MARCHF1: variants seen among roughly 807,000 people sequenced by gnomAD.
MARCHF1 encodes the protein membrane associated ring-CH-type finger 1, also known as E3 ubiquitin-protein ligase MARCHF1.
A neutral mutation model predicts 54.2 loss-of-function variants in MARCHF1; 40 were observed. That is an observed-to-expected ratio of 0.74 (90% confidence interval 0.57 to 0.96). The LOEUF (loss-of-function observed/expected upper bound fraction) is 0.96. Ranked by LOEUF, MARCHF1 falls within the 40% of genes least tolerant of loss-of-function variation. The pLI, the probability that MARCHF1 is intolerant of heterozygous loss-of-function variation, is 0.00. For missense variants in MARCHF1, 586 were observed against 656.5 expected, an observed-to-expected ratio of 0.89 and a Z score of 1.17; for synonymous variants, 236 against 236.3, an observed-to-expected ratio of 1.00 and a Z score of 0.01.
At chr4:163,630,476 T>A in intron 5 of MARCHF1, among the ~76,000 whole-genome samples, 1 of 152,168 alleles carries the variant, frequency 6.6e-6, no homozygotes, top group Admixed American at 6.5e-5. Context: ...GGGGAGTTGA[T>A]AGAAATGTTC....
At chr4:164,246,253 A>T (rs1400065091) in intron 1 of MARCHF1, among the ~76,000 whole-genome samples, 9 of 59,440 alleles carry the variant, frequency 1.5e-4, no homozygotes, top group African/African-American at 3.4e-4. Flanking sequence ...CAAAACAGAG[A>T]TATAGATCAA....
intron 1 of MARCHF1, among the ~76,000 whole-genome samples, chr4:164,326,694 T>C (rs934017633): frequency 2.6e-5 from 4 of 152,306 alleles, no homozygotes; most frequent in Non-Finnish European, 5.9e-5. Flanking sequence ...TTATATAAAC[T>C]AGATTTAGCA....
At chr4:164,134,776 T>A (rs1756367920) in intron 1 of MARCHF1, among the ~76,000 whole-genome samples, 1 of 151,338 alleles carries the variant, frequency 6.6e-6, no homozygotes, top group African/African-American at 2.4e-5. Flanking sequence ...TAGCATATGT[T>A]ACCAACTTAA....
chr4:164,240,713 C>T (rs906041142), intron 1 of MARCHF1, among the ~76,000 whole-genome samples: 6 of 152,026 alleles, frequency 3.9e-5, no homozygotes, highest in African/African-American at 1.4e-4. Flanking sequence ...TGGCTCATTC[C>T]TGGGCATGGG....
chr4:163,554,469 G>T (rs1739219079), intron 8 of MARCHF1, among the ~76,000 whole-genome samples: 1 of 152,162 alleles, frequency 6.6e-6, no homozygotes, highest in Non-Finnish European at 1.5e-5. Flanking sequence ...GGAGGGAGAG[G>T]AGTACAATGT....
intron 4 of MARCHF1, among the ~76,000 whole-genome samples, chr4:163,734,506 A>C (rs768710497): frequency 6.6e-6 from 1 of 151,378 alleles, no homozygotes; most frequent in Non-Finnish European, 1.5e-5. Flanking sequence ...AAACAGCATC[A>C]ATGATTCTCG....
chr4:163,749,819 C>T (rs1303105561), intron 4 of MARCHF1, among the ~76,000 whole-genome samples: 3 of 151,686 alleles, frequency 2.0e-5, no homozygotes, highest in African/African-American at 7.3e-5. Context: ...ATCCCCACTT[C>T]GGGAGGCCGA....
chr4:163,996,004 A>C (rs1440881396), intron 2 of MARCHF1, among the ~76,000 whole-genome samples: 1 of 152,078 alleles, frequency 6.6e-6, no homozygotes, highest in Non-Finnish European at 1.5e-5. Flanking sequence ...TATATTTTAT[A>C]ATATAATTCT....
In MARCHF1 at chr4:164,100,927, G is replaced by C. The variant is rs1231731197; in HGVS notation, c.-248+10661C>G. Among the ~76,000 whole-genome samples, 7 of 151,530 alleles carry C rather than the reference G, an allele frequency of 4.6e-5. No individual in the cohort carries two copies. In the East Asian group the frequency reaches 1.4e-3, roughly 29 times the overall value. ...CGCGCACAGTGCGCGAGCCGAAGTA[G>C]GGCGAGGCATTGCCTCACTTGGGAA... is the stretch of plus-strand genomic sequence containing the variant. On this transcript the variant is annotated intron_variant, in intron 2 of 9. Coordinates refer to ENST00000514618, the MANE Select transcript of MARCHF1 (RefSeq NM_001394959.1).
chr4:163,570,547 C>A (rs1467479163), intron 8 of MARCHF1, among the ~76,000 whole-genome samples: 2 of 152,034 alleles, frequency 1.3e-5, no homozygotes, highest in Admixed American at 6.6e-5. Context: ...CACACTAAAT[C>A]TAGATTCTTT....
At chr4:164,145,680 T>G (rs1470830681) in intron 1 of MARCHF1, among the ~76,000 whole-genome samples, 1 of 151,560 alleles carries the variant, frequency 6.6e-6, no homozygotes, top group Admixed American at 6.6e-5. Flanking sequence ...CTCAAAATAA[T>G]AAGAGCTATC....
chr4:164,170,509 AG>A (rs1414933357), intron 1 of MARCHF1, among the ~76,000 whole-genome samples: 2 of 152,114 alleles, frequency 1.3e-5, no homozygotes, highest in African/African-American at 2.4e-5. Flanking sequence ...ATGGTTGTAA[AG>A]ATTAAATGAG....
intron 3 of MARCHF1, among the ~76,000 whole-genome samples, chr4:163,910,334 T>C (rs1186867605): frequency 6.6e-6 from 1 of 152,200 alleles, no homozygotes; most frequent in Non-Finnish European, 1.5e-5. Context: ...GTAAAACTAT[T>C]TGCCAACATG....
chr4:164,089,781 T>C lies in MARCHF1; in HGVS notation c.-248+21807A>G, dbSNP rs532129937. Among the ~76,000 whole-genome samples, 3 of 152,162 alleles carry C rather than the reference T, an allele frequency of 2.0e-5. No homozygotes were observed. The East Asian group carries it at 5.8e-4, about 29-fold the overall frequency. On this transcript the variant is annotated intron_variant, in intron 2 of 9. Coordinates refer to ENST00000514618, the MANE Select transcript of MARCHF1 (RefSeq NM_001394959.1). ...CCTCAGAGTTATCTAGAAAGATAAG[T>C]AAGTAGTTATGACTCTTTAAAGGTT... is the stretch of plus-strand genomic sequence containing the variant.
chr4:163,854,070 G>A lies in MARCHF1; in HGVS notation c.62C>T (p.Thr21Ile), dbSNP rs887835484. 1.1e-5 allele frequency: 17 copies of A among 1,536,828 alleles called. No individual in the cohort carries two copies. The highest frequency in any genetic ancestry group is 3.9e-5 in the Admixed American group (2 of 50,968). Residue 21 changes from threonine (T) to isoleucine (I), a missense_variant, in exon 4 of 10, where the codon ACA (threonine) becomes ATA (isoleucine). Thr to Ile is a moderately conservative substitution (Grantham distance 89, BLOSUM62 -1). Transcript: ENST00000514618. ...AGCCAAATCCCCTGAGATCTCGGGT[G>A]TTCGCGTGTTGTTTGGAATTCTGTG... Reference protein sequence around the residue: ...NPHRIPNNTRTPEISGDLADA... With the variant: ...NPHRIPNNTRIPEISGDLADA...
chr4:163,980,694 T>A (rs1436067229), intron 3 of MARCHF1, among the ~76,000 whole-genome samples: 1 of 152,198 alleles, frequency 6.6e-6, no homozygotes, highest in African/African-American at 2.4e-5. Flanking sequence ...CAGAAATCAC[T>A]TCTTCCAAAA....
intron 1 of MARCHF1, among the ~76,000 whole-genome samples, chr4:164,177,804 G>GACACAC (rs1180105275): frequency 2.5e-4 from 12 of 48,836 alleles, no homozygotes; most frequent in East Asian, 1.1e-3. Flanking sequence ...GTGTATGAAA[G>GACACAC]AGACACACAC....
chr4:164,358,248 A>G (rs1730619515), intron 1 of MARCHF1, among the ~76,000 whole-genome samples: 2 of 152,298 alleles, frequency 1.3e-5, no homozygotes, highest in South Asian at 4.1e-4. Flanking sequence ...CCAGGAGGCC[A>G]CAGCATCCTC....
intron 4 of MARCHF1, among the ~76,000 whole-genome samples, chr4:163,781,116 CG>C (rs550821297): frequency 7.6e-4 from 113 of 149,574 alleles, no homozygotes; most frequent in Non-Finnish European, 1.3e-3. Context: ...GGCCAAGGGG[CG>C]GGGGGGGTGG....
Sources: allele counts gnomAD v4.1 joint callset (sites outside exome capture counted in the v4.1 genomes callset), GRCh38; gene constraint gnomAD v4.1.1; transcripts MANE v1.5; gene names NCBI Gene and HGNC (gene_info 2026-07-23, HGNC 2026-07-21).